The following RBM20 variants were observed in gnomAD, a reference collection of about 807,000 sequenced individuals.
The protein encoded by RBM20 is RNA binding motif protein 20.
RBM20 carries 51 observed loss-of-function variants against 110.1 expected under a neutral mutation model. That is an observed-to-expected ratio of 0.46 (90% CI 0.37 to 0.59). The LOEUF (loss-of-function observed/expected upper bound fraction) is 0.59. Among genes scored for constraint, RBM20 ranks in the 20% least tolerant of loss-of-function variants. RBM20 has a pLI of 0.00. For synonymous variants in RBM20, 589 were observed against 618.2 expected, an observed-to-expected ratio of 0.95 and a Z score of 0.70; for missense variants, 1,512 against 1,574.9, an observed-to-expected ratio of 0.96 and a Z score of 0.68.
intron 1 of RBM20, among the ~76,000 whole-genome samples, chr10:110,661,481 G>A (rs531674676): frequency 6.6e-6 from 1 of 152,312 alleles, no homozygotes; most frequent in South Asian, 2.1e-4. Context: ...TGGAACAACC[G>A]TGTGTCCAGC....
rs1309952731 is a variant in RBM20 at position 110,831,102 on chromosome 10, C to G, written c.3493C>G (p.Leu1165Val). The G allele has an allele frequency of 6.4e-7, 1 of 1,551,498 alleles. No homozygotes were observed. Among genetic ancestry groups the G allele is most frequent in the Non-Finnish European group, 8.7e-7 (1 of 1,146,846 alleles). Residue 1165 changes from leucine (L) to valine (V), a missense_variant, in exon 13 of 14, where the codon CTG becomes GTG. By Grantham distance (32) the Leu-to-Val change is conservative. This residue lies in a region of RBM20 where 358 missense variants were observed against 384.2 expected (regional missense o/e 0.93). Coordinates refer to ENST00000369519, the MANE Select transcript of RBM20 (RefSeq NM_001134363.3). Reference protein sequence around the residue: ...VVPRTGFYCKLCGLFYTSEET... With the variant: ...VVPRTGFYCKVCGLFYTSEET... ...TCCCAGGACTGGCTTTTATTGCAAGCTGTGTGGGCTGTTCTACACGAGCGA... is the reference window on the plus strand; with the variant it reads ...TCCCAGGACTGGCTTTTATTGCAAGGTGTGTGGGCTGTTCTACACGAGCGA...
chr10:110,669,964 G>T (rs112690217), intron 1 of RBM20, among the ~76,000 whole-genome samples: 1 of 152,174 alleles, frequency 6.6e-6, no homozygotes, highest in African/African-American at 2.4e-5. Context: ...GAAACCATTC[G>T]ATTTCACCCT....
At chr10:110,827,453 C>T (rs1170339467) in intron 12 of RBM20, among the ~76,000 whole-genome samples, 6 of 152,130 alleles carry the variant, frequency 3.9e-5, no homozygotes, top group Non-Finnish European at 8.8e-5. Context: ...CTCTGTTCTC[C>T]AGGTTCTTCC....
intron 1 of RBM20, among the ~76,000 whole-genome samples, chr10:110,746,740 A>G (rs1843785397): frequency 6.6e-6 from 1 of 152,190 alleles, no homozygotes; most frequent in Non-Finnish European, 1.5e-5. Context: ...CTCTTCTAGA[A>G]CTGTTGTGGG....
chr10:110,808,230 C>A (rs995221591), intron 7 of RBM20, among the ~76,000 whole-genome samples: 1 of 152,340 alleles, frequency 6.6e-6, no homozygotes, highest in Middle Eastern at 3.4e-3. Context: ...GGCTGAAGGA[C>A]CAGTGGTCTC....
chr10:110,776,336 C>T (rs575534162), intron 1 of RBM20, among the ~76,000 whole-genome samples: 36 of 152,202 alleles, frequency 2.4e-4, no homozygotes, highest in Non-Finnish European at 4.4e-4. Flanking sequence ...GCTGCTGTAA[C>T]AAATTGCCAC....
chr10:110,768,915 T>A lies in RBM20; in HGVS notation c.192-11886T>A, dbSNP rs76591750. 2.8e-3 allele frequency among the ~76,000 whole-genome samples: 419 copies of A among 151,332 alleles called. 14 individuals carry two copies. The East Asian group carries it at 0.067, about 24-fold the overall frequency. On this transcript the variant is annotated intron_variant, in intron 1 of 13. Coordinates refer to ENST00000369519, the MANE Select transcript of RBM20 (RefSeq NM_001134363.3). ...TAGCTGTATTGTGTTTGACCCTTTG[T>A]GGACTTGTGACCCTTTGTGGACTTG...
At chr10:110,663,345 G>A (rs1484549069) in intron 1 of RBM20, among the ~76,000 whole-genome samples, 1 of 152,182 alleles carries the variant, frequency 6.6e-6, no homozygotes. Flanking sequence ...ATGTATCAAT[G>A]ACAGGGAAGG....
intron 1 of RBM20, among the ~76,000 whole-genome samples, chr10:110,668,352 G>A (rs1202373399): frequency 3.3e-5 from 5 of 152,154 alleles, no homozygotes; most frequent in Admixed American, 1.3e-4. Flanking sequence ...AGGTTAAGGT[G>A]CAGCCAGTCA....
chr10:110,677,976 A>G (rs1207307668), intron 1 of RBM20, among the ~76,000 whole-genome samples: 4 of 152,192 alleles, frequency 2.6e-5, no homozygotes, highest in Admixed American at 1.3e-4. Context: ...TTTACTGAAC[A>G]CCTATTATGT....
rs145798729 is a variant in RBM20 at position 110,661,394 on chromosome 10, T to C, written c.191+16749T>C. Reference sequence around the variant, plus strand: ...CCCTTAGGCTGGGATCTGACTTGTGTATTTGGTGGGATCTTGATGGTGGAG... The same window carrying C: ...CCCTTAGGCTGGGATCTGACTTGTGCATTTGGTGGGATCTTGATGGTGGAG... On this transcript the variant is annotated intron_variant, in intron 1 of 13. Coordinates refer to ENST00000369519, the MANE Select transcript of RBM20 (RefSeq NM_001134363.3). Among the ~76,000 whole-genome samples the C allele has an allele frequency of 4.9e-3, 750 of 152,278 alleles. 9 individuals carry two copies. Among genetic ancestry groups the C allele is most frequent in the African/African-American group, 0.017 (724 of 41,552 alleles).
intron 11 of RBM20, 30 bp from the exon 12 acceptor site, chr10:110,823,450 T>TC: frequency 8.1e-7 from 1 of 1,234,372 alleles, no homozygotes; most frequent in Non-Finnish European, 1.0e-6. Context: ...TTTTTTTTTT[T>TC]TTTTTTTTGC....
At chr10:110,664,699 A>G (rs181182645) in intron 1 of RBM20, among the ~76,000 whole-genome samples, 1 of 152,178 alleles carries the variant, frequency 6.6e-6, no homozygotes, top group Non-Finnish European at 1.5e-5. Context: ...GTGAGCCGAG[A>G]TGGTGCCACT....
intron 1 of RBM20, among the ~76,000 whole-genome samples, chr10:110,779,383 G>A (rs1038670191): frequency 6.6e-6 from 1 of 152,226 alleles, no homozygotes; most frequent in Admixed American, 6.5e-5. Flanking sequence ...GTGCCCGAGA[G>A]GATGTGGGAG....
chr10:110,671,761 C>A (rs537783269), intron 1 of RBM20, among the ~76,000 whole-genome samples: 1 of 151,650 alleles, frequency 6.6e-6, no homozygotes, highest in African/African-American at 2.4e-5. Context: ...GTATATATAT[C>A]GACATGCTTA....
At chr10:110,659,503 C>T (rs1254780567) in intron 1 of RBM20, among the ~76,000 whole-genome samples, 1 of 152,158 alleles carries the variant, frequency 6.6e-6, no homozygotes, top group African/African-American at 2.4e-5. Flanking sequence ...ATGCTGTCAT[C>T]TCCAGCCAGA....
chr10:110,710,148 C>G (rs1448761400), intron 1 of RBM20, among the ~76,000 whole-genome samples: 1 of 152,074 alleles, frequency 6.6e-6, no homozygotes, highest in Non-Finnish European at 1.5e-5. Flanking sequence ...CCTTAGTGTC[C>G]AAGGTCCCTT....
chr10:110,671,961 C>G (rs1372936692), intron 1 of RBM20, among the ~76,000 whole-genome samples: 6 of 152,128 alleles, frequency 3.9e-5, no homozygotes, highest in Admixed American at 2.0e-4. Context: ...ACCTGGGACC[C>G]GAGGTGCTGA....
At chr10:110,826,773 A>T (rs568821679) in intron 12 of RBM20, among the ~76,000 whole-genome samples, 1 of 151,748 alleles carries the variant, frequency 6.6e-6, no homozygotes, top group Non-Finnish European at 1.5e-5. Flanking sequence ...TTTAGTAGAG[A>T]TAAGGTTCCA....
Sources: gnomAD v4.1 joint callset for allele counts (sites outside exome capture counted in the v4.1 genomes callset) on GRCh38, gnomAD v4.1.1 for gene constraint, gnomAD v4.1.1 regional missense constraint, MANE v1.5 for transcripts, NCBI Gene and HGNC (gene_info 2026-07-23, HGNC 2026-07-21) for gene names.